The following CLCN6 variants were observed in gnomAD, a reference collection of about 807,000 sequenced individuals.
CLCN6 encodes H(+)/Cl(-) exchange transporter 6.
A neutral mutation model predicts 109.8 loss-of-function variants in CLCN6; 70 were observed. The ratio of observed to expected loss-of-function variants is 0.64; its 90% CI spans 0.53 to 0.78. CLCN6 has a LOEUF of 0.78. Among genes scored for constraint, CLCN6 ranks in the 30% least tolerant of loss-of-function variants. The pLI is 0.00. For synonymous variants in CLCN6, 444 were observed against 447.8 expected (o/e 0.99, Z 0.11); for missense variants, 984 against 1,142.3 (o/e 0.86, Z 2.00).
chr1:11,837,439 C>T lies in CLCN6; in HGVS notation c.2235C>T (p.Ile745=), dbSNP rs1395948062. 2 of 1,614,044 alleles carry T rather than the reference C, an allele frequency of 1.2e-6. No individual in the cohort carries two copies. The highest frequency in any genetic ancestry group is 1.7e-6 in the Non-Finnish European group (2 of 1,180,010). Reference sequence around the variant, plus strand: ...GCCCTCTGACCTTCCACGGCCTGATCCTTCGGTCGCAGCTTGTCACCCTGC... The same window carrying T: ...GCCCTCTGACCTTCCACGGCCTGATTCTTCGGTCGCAGCTTGTCACCCTGC... The part of the protein sequence containing the change: ...RFRPLTFHGL[I]LRSQLVTLLV... The change falls in exon 20 of 23, where the codon ATC becomes ATT. Residue 745 remains isoleucine (I), a synonymous_variant. Transcript: ENST00000346436.
chr1:11,826,626 G>A (rs1644815093), intron 9 of CLCN6, among the ~76,000 whole-genome samples: 1 of 152,176 alleles, frequency 6.6e-6, no homozygotes. Context: ...GGCCTCGTAA[G>A]GCTCTTTCAA....
chr1:11,840,123 A>G lies in CLCN6; in HGVS notation c.2530-20A>G, dbSNP rs200609195. Reference sequence around the variant, plus strand: ...GCGGGTTTTACCCTGAAGGTGACTCAGGCCTTCTCTTTGCCCTAGATCGTG... The same window carrying G: ...GCGGGTTTTACCCTGAAGGTGACTCGGGCCTTCTCTTTGCCCTAGATCGTG... On this transcript the variant is annotated intron_variant, in intron 22 of 22. Transcript: ENST00000346436. The G allele has an allele frequency of 6.2e-6, 10 of 1,609,294 alleles. No individual in the cohort carries two copies. The highest frequency in any genetic ancestry group is 8.5e-6 in the Non-Finnish European group (10 of 1,175,916).
chr1:11,828,101 C>A lies in CLCN6; in HGVS notation c.841-5C>A. The A allele has an allele frequency of 6.2e-7, 1 of 1,610,140 alleles. No homozygotes were observed. ...CCTTCTTGTCTTTTGTCACCTCTCC[C>A]CTAGCTCTTTTGTTCCATGTCTGCC... On this transcript the variant is annotated splice_polypyrimidine_tract_variant and splice_region_variant and intron_variant, in intron 10 of 22. Coordinates refer to ENST00000346436, the MANE Select transcript of CLCN6 (RefSeq NM_001286.5).
At chr1:11,833,384 G>A in intron 13 of CLCN6, 131 bp from the exon 14 acceptor site, 1 of 769,324 alleles carries the variant, frequency 1.3e-6, no homozygotes, top group Non-Finnish European at 2.2e-6. Flanking sequence ...GTTGGTAGAG[G>A]TCAGTTTTTG....
In CLCN6 at chr1:11,827,117, G is replaced by A; in HGVS notation, c.736G>A (p.Ala246Thr). ...CAAGAGAGACTTTGTATCAGCAGGA[G>A]CGGCTGCTGGAGTTGCTGCAGCTTT... The part of the protein sequence containing the change: ...RDKRDFVSAG[A>T]AAGVAAAFGA... The change falls in exon 10 of 23, where the codon GCG (alanine) becomes ACG (threonine). Residue 246 changes from alanine to threonine, a missense_variant. Physicochemically the swap from Ala to Thr is moderately conservative, Grantham distance 58. Transcript: ENST00000346436. The A allele has an allele frequency of 1.9e-6, 3 of 1,613,990 alleles. No homozygotes were observed. Among genetic ancestry groups the A allele is most frequent in the Non-Finnish European group, 2.5e-6 (3 of 1,179,908 alleles).
chr1:11,816,727 G>A (rs1425645552), intron 4 of CLCN6, 47 bp downstream of exon 4: 45 of 1,474,976 alleles, frequency 3.1e-5, no homozygotes, highest in Non-Finnish European at 4.2e-5. Flanking sequence ...GGGCTGGAGG[G>A]GCTTACAGGG....
At chr1:11,836,968 G>A (rs1480371023) in intron 18 of CLCN6, 31 bp from the exon 19 acceptor site, 3 of 1,602,710 alleles carry the variant, frequency 1.9e-6, no homozygotes, top group Non-Finnish European at 2.5e-6. Flanking sequence ...GTTTGCCCAT[G>A]CGCAGTAGCC....
chr1:11,838,513 G>T, intron 21 of CLCN6, 22 bp from the exon 22 acceptor site: 1 of 1,606,706 alleles, frequency 6.2e-7, no homozygotes, highest in South Asian at 1.1e-5. Context: ...CAGGCAGTCA[G>T]TGACACGTGG....
At chr1:11,830,411 G>A (rs1291210444) in intron 13 of CLCN6, 1 of 151,974 alleles carries the variant, frequency 6.6e-6, no homozygotes, top group African/African-American at 2.4e-5. Flanking sequence ...AAAAAATAAT[G>A]CAAATAAAAA....
intron 3 of CLCN6, among the ~76,000 whole-genome samples, chr1:11,816,243 T>A (rs41275472): frequency 1.3e-5 from 2 of 152,148 alleles, no homozygotes; most frequent in African/African-American, 2.4e-5. Context: ...TTTATAGACC[T>A]CAGTATAGTG....
intron 2 of CLCN6, among the ~76,000 whole-genome samples, chr1:11,808,227 T>TGTGTTTGTGTGTG (rs1644548460): frequency 2.2e-5 from 3 of 139,160 alleles, no homozygotes; most frequent in African/African-American, 8.1e-5. Context: ...GTGTGTGTGT[T>TGTGTTTGTGTGTG]TGTGTGTGTG....
intron 13 of CLCN6, 45 bp downstream of exon 13, chr1:11,829,367 G>A (rs758496189): frequency 1.2e-6 from 2 of 1,611,670 alleles, no homozygotes; most frequent in Non-Finnish European, 8.5e-7. Flanking sequence ...CCACGAGGAA[G>A]AATCCAGAAA....
intron 5 of CLCN6, chr1:11,820,261 C>T: frequency 1.5e-6 from 1 of 648,284 alleles, no homozygotes; most frequent in Non-Finnish European, 2.9e-6. Context: ...ATGACTGTGC[C>T]TGGGCAGCAT....
chr1:11,814,049 A>G (rs925496478), intron 2 of CLCN6, among the ~76,000 whole-genome samples: 3 of 152,182 alleles, frequency 2.0e-5, no homozygotes, highest in African/African-American at 7.2e-5. Context: ...CTCATAAAAA[A>G]AGAATTTGGA....
At chr1:11,819,438 G>C in intron 4 of CLCN6, 50 bp from the exon 5 acceptor site, 1 of 1,541,774 alleles carries the variant, frequency 6.5e-7, no homozygotes. Flanking sequence ...TACTATACTT[G>C]TGCTACACTT....
intron 2 of CLCN6, 68 bp from the exon 3 acceptor site, chr1:11,815,778 A>C: frequency 4.1e-6 from 5 of 1,223,088 alleles, no homozygotes; most frequent in South Asian, 1.2e-5. Context: ...GCAGGAACCC[A>C]GAGGTTTGTC....
At chr1:11,830,712 C>T (rs1438008727) in intron 13 of CLCN6, among the ~76,000 whole-genome samples, 6 of 145,652 alleles carry the variant, frequency 4.1e-5, no homozygotes, top group African/African-American at 1.5e-4. Context: ...ACAGCCTCTT[C>T]AGTGTCCCCA....
chr1:11,813,229 C>T (rs1036427719), intron 2 of CLCN6, among the ~76,000 whole-genome samples: 2 of 152,110 alleles, frequency 1.3e-5, no homozygotes, highest in Non-Finnish European at 2.9e-5. Context: ...TGCCTTTTGT[C>T]GGTTCACTTT....
chr1:11,816,480 T>G, intron 3 of CLCN6, 135 bp from the exon 4 acceptor site: 1 of 803,904 alleles, frequency 1.2e-6, no homozygotes, highest in East Asian at 3.0e-5. Context: ...GTAAAGCACC[T>G]GAAATCCCAA....
Sources: allele counts gnomAD v4.1 joint callset (sites outside exome capture counted in the v4.1 genomes callset), GRCh38; gene constraint gnomAD v4.1.1; transcripts MANE v1.5; gene names NCBI Gene and HGNC (gene_info 2026-07-23, HGNC 2026-07-21).